Variants in RPS4Y1 observed in about 807,000 individuals in gnomAD.
The protein encoded by RPS4Y1 is ribosomal protein S4 Y-linked 1.
For synonymous variants in RPS4Y1, 23 were observed against 20.8 expected, an observed-to-expected ratio of 1.10 and a Z score of -0.28; for missense variants, 30 against 60.9, an observed-to-expected ratio of 0.49 and a Z score of 1.69.
At chrY:2,853,652 ACTC>A (rs2051157611) in intron 4 of RPS4Y1, among the ~76,000 whole-genome samples, 1 of 33,364 alleles carries the variant, frequency 3.0e-5, no homozygotes, top group African/African-American at 1.2e-4. Context: ...GACATTTTGA[ACTC>A]CTCCTGCTGA....
At chrY:2,845,014 C>G in intron 3 of RPS4Y1, among the ~76,000 whole-genome samples, 1 of 32,656 alleles carries the variant, frequency 3.1e-5, no homozygotes, top group Non-Finnish European at 7.5e-5. Context: ...GTCCAGAAAG[C>G]AGGGGGATGA....
chrY:2,862,219 T>G (rs111817932), intron 5 of RPS4Y1, among the ~76,000 whole-genome samples: 1 of 32,860 alleles, frequency 3.0e-5, no homozygotes, highest in Non-Finnish European at 7.5e-5. Flanking sequence ...TGCCTAGCTG[T>G]GATCCACTGC....
chrY:2,841,635 C>T lies in RPS4Y1; in HGVS notation c.3+8C>T, dbSNP rs1261023743. ...TCGCAGAGTTTCGCCATGGTAAGAC[C>T]GATAGTTCCTAACTCCTAGTATATC... is the stretch of plus-strand genomic sequence containing the variant. On this transcript the variant is annotated splice_region_variant and intron_variant, in intron 1 of 6. Coordinates refer to ENST00000250784, the MANE Select transcript of RPS4Y1 (RefSeq NM_001008.4). 1.0e-5 allele frequency: 4 copies of T among 391,421 alleles called. No homozygotes were observed. The highest frequency in any genetic ancestry group is 1.4e-5 in the Non-Finnish European group (4 of 278,504).
intron 5 of RPS4Y1, among the ~76,000 whole-genome samples, chrY:2,855,430 C>T: frequency 6.1e-5 from 2 of 32,867 alleles, no homozygotes; most frequent in Non-Finnish European, 1.5e-4. Flanking sequence ...CCCTGTTTAC[C>T]TGCTTATGGC....
chrY:2,855,102 C>A, intron 5 of RPS4Y1, among the ~76,000 whole-genome samples: 1 of 33,289 alleles, frequency 3.0e-5, no homozygotes, highest in Non-Finnish European at 7.4e-5. Context: ...TAGCTGTGTT[C>A]CTTGAGGTGA....
intron 5 of RPS4Y1, among the ~76,000 whole-genome samples, chrY:2,855,899 T>C: frequency 3.0e-5 from 1 of 33,889 alleles, no homozygotes; most frequent in Non-Finnish European, 7.3e-5. Flanking sequence ...AATGTATATA[T>C]TGGAACACAC....
chrY:2,853,857 A>G, intron 4 of RPS4Y1, among the ~76,000 whole-genome samples: 1 of 30,850 alleles, frequency 3.2e-5, no homozygotes, highest in African/African-American at 1.3e-4. Flanking sequence ...TTTGAGACAG[A>G]GTTTCACTCT....
At position 2,854,670 on chromosome Y, in the gene RPS4Y1, C is replaced by T; in HGVS notation, c.431C>T (p.Ala144Val). ...ATCCCTCACCTGGTGACTCATGATG[C>T]TCGAACCATCCGCTACCCAGATCCT... ...KGIPHLVTHD[A>V]RTIRYPDPVI... The change falls in exon 5 of 7, where the codon GCT becomes GTT. Residue 144 changes from alanine (A) to valine (V), a missense_variant. Ala to Val is a moderately conservative substitution (Grantham distance 64). Coordinates refer to ENST00000250784, the MANE Select transcript of RPS4Y1 (RefSeq NM_001008.4). 2.5e-6 allele frequency: 1 copy of T among 393,853 alleles called. No individual in the cohort carries two copies. The highest frequency in any genetic ancestry group is 3.6e-6 in the Non-Finnish European group (1 of 279,181).
At chrY:2,856,388 T>G (rs2124490488) in intron 5 of RPS4Y1, among the ~76,000 whole-genome samples, 1 of 33,500 alleles carries the variant, frequency 3.0e-5, no homozygotes, top group Admixed American at 2.7e-4. Context: ...CCGCCCACCT[T>G]GGCGCCCCAA....
intron 5 of RPS4Y1, among the ~76,000 whole-genome samples, chrY:2,860,408 G>A: frequency 3.0e-5 from 1 of 33,032 alleles, no homozygotes; most frequent in Non-Finnish European, 7.5e-5. Context: ...AAACTCAACC[G>A]TCAACCAGAA....
At chrY:2,854,858 T>C in intron 5 of RPS4Y1, 87 bp downstream of exon 5, 1 of 199,597 alleles carries the variant, frequency 5.0e-6, no homozygotes, top group Non-Finnish European at 8.6e-6. Context: ...GTTTTGTCTG[T>C]ACACCCATTA....
chrY:2,850,548 C>A (rs955599233), intron 4 of RPS4Y1, among the ~76,000 whole-genome samples: 1 of 33,202 alleles, frequency 3.0e-5, no homozygotes, highest in Non-Finnish European at 7.5e-5. Flanking sequence ...GTGAATAGGC[C>A]TTCTATGAGT....
intron 5 of RPS4Y1, among the ~76,000 whole-genome samples, chrY:2,859,066 C>A (rs2051161803): frequency 6.1e-5 from 2 of 32,999 alleles, no homozygotes; most frequent in Non-Finnish European, 1.5e-4. Flanking sequence ...TTTGTCTGAC[C>A]CAAGTTTGGT....
intron 5 of RPS4Y1, among the ~76,000 whole-genome samples, chrY:2,858,472 AG>A (rs2051161400): frequency 3.0e-5 from 1 of 33,484 alleles, no homozygotes; most frequent in Non-Finnish European, 7.4e-5. Context: ...GGAGCTTTAC[AG>A]TTCAAGGCCT....
rs761283115 is a variant in RPS4Y1 at position 2,863,098 on chromosome Y, G to C, written c.533-1990G>C. On this transcript the variant is annotated intron_variant, in intron 5 of 6. Transcript: ENST00000250784. ...AGTTGTCTGATAGACGTAAAGAATA[G>C]AGCTGACACATTCAAGAATTATAAA... 2.4e-4 allele frequency among the ~76,000 whole-genome samples: 8 copies of C among 33,806 alleles called. No homozygotes were observed. In the South Asian group the frequency reaches 5.2e-3, roughly 22 times the overall value. The allele number at this position is 33,806 out of a possible 37,273, so 90.7% of individuals were successfully genotyped here.
intron 5 of RPS4Y1, among the ~76,000 whole-genome samples, chrY:2,857,454 C>T: frequency 3.0e-5 from 1 of 33,704 alleles, no homozygotes; most frequent in Non-Finnish European, 7.4e-5. Context: ...TCACTCTTGT[C>T]GCCCAGGCTG....
chrY:2,865,298 A>G, intron 6 of RPS4Y1, 53 bp downstream of exon 6: 1 of 328,493 alleles, frequency 3.0e-6, no homozygotes, highest in Non-Finnish European at 4.5e-6. Flanking sequence ...CCTAAAAAGC[A>G]TAAAGACCTG....
chrY:2,866,039 C>G, intron 6 of RPS4Y1, among the ~76,000 whole-genome samples: 2 of 33,150 alleles, frequency 6.0e-5, no homozygotes, highest in African/African-American at 1.2e-4. Flanking sequence ...CGCCACCAGA[C>G]CTGGCTAATT....
intron 5 of RPS4Y1, among the ~76,000 whole-genome samples, chrY:2,862,068 T>C: frequency 6.8e-5 from 2 of 29,548 alleles, no homozygotes; most frequent in African/African-American, 2.7e-4. Flanking sequence ...TTTTTTTTTT[T>C]CCAAGACAAG....
Sources: allele counts gnomAD v4.1 joint callset (sites outside exome capture counted in the v4.1 genomes callset), GRCh38; gene constraint gnomAD v4.1.1; transcripts MANE v1.5; gene names NCBI Gene and HGNC (gene_info 2026-07-23, HGNC 2026-07-21).